Variants in TXNRD1 observed in about 807,000 individuals in gnomAD.
The protein encoded by TXNRD1 is thioredoxin reductase 1, cytoplasmic.
In TXNRD1, 57 loss-of-function variants were observed where a neutral mutation model predicts 80.3. That is an observed-to-expected ratio of 0.71 (90% CI 0.57 to 0.89). The LOEUF (loss-of-function observed/expected upper bound fraction) is 0.89, where lower values mean the gene tolerates loss of function less well. TXNRD1 is among the 40% of genes least tolerant of loss of function. The pLI is 0.00. For missense variants in TXNRD1, 730 were observed against 803.0 expected (o/e 0.91, Z 1.10); for synonymous variants, 291 against 285.2 (o/e 1.02, Z -0.20).
intron 15 of TXNRD1, among the ~76,000 whole-genome samples, chr12:104,337,209 T>C (rs1483293282): frequency 6.6e-6 from 1 of 151,784 alleles, no homozygotes; most frequent in Non-Finnish European, 1.5e-5. Context: ...ATGGATACGC[T>C]TTATTCATAC....
chr12:104,237,948 T>C (rs1356575231), intron 1 of TXNRD1, among the ~76,000 whole-genome samples: 1 of 151,910 alleles, frequency 6.6e-6, no homozygotes, highest in African/African-American at 2.4e-5. Flanking sequence ...GAGGCTGAGG[T>C]TGCAGTGAGC....
At chr12:104,298,704 A>G (rs2034513291) in intron 4 of TXNRD1, among the ~76,000 whole-genome samples, 1 of 152,158 alleles carries the variant, frequency 6.6e-6, no homozygotes, top group Admixed American at 6.6e-5. Flanking sequence ...AGCTTGGGCA[A>G]CCAAGCGAGA....
chr12:104,287,799 C>T (rs576547781), intron 3 of TXNRD1, among the ~76,000 whole-genome samples: 1 of 152,172 alleles, frequency 6.6e-6, no homozygotes, highest in African/African-American at 2.4e-5. Context: ...TTTTGAGTAG[C>T]TCCTTGAGCT....
chr12:104,256,429 G>A (rs1202561691), intron 2 of TXNRD1, among the ~76,000 whole-genome samples: 1 of 152,100 alleles, frequency 6.6e-6, no homozygotes, highest in African/African-American at 2.4e-5. Flanking sequence ...TCAGAGTGGT[G>A]GGGGGAACTG....
chr12:104,276,277 G>A (rs896370584), intron 3 of TXNRD1, among the ~76,000 whole-genome samples: 3 of 152,220 alleles, frequency 2.0e-5, no homozygotes, highest in African/African-American at 7.2e-5. Flanking sequence ...AGCAGAGGTA[G>A]AACAATCCTT....
rs2036240561 is a variant in TXNRD1 at position 104,339,137 on chromosome 12, A to G, written c.1747-2A>G. On this transcript the variant is annotated splice_acceptor_variant, in intron 15 of 16. Coordinates refer to ENST00000525566, the MANE Select transcript of TXNRD1 (RefSeq NM_001093771.3). LOFTEE classifies it high-confidence loss of function. ...GCATTATTGTATTTTTTTTTGCCTT[A>G]GGAACGTGTTGTGGGCTTTCACGTA... is the stretch of plus-strand genomic sequence containing the variant. 2.0e-5 allele frequency: 32 copies of G among 1,610,492 alleles called. No individual in the cohort carries two copies. The highest frequency in any genetic ancestry group is 2.6e-5 in the Non-Finnish European group (31 of 1,178,864).
At chr12:104,286,033 C>G (rs1443470257) in intron 3 of TXNRD1, 1 of 152,180 alleles carries the variant, frequency 6.6e-6, no homozygotes, top group Non-Finnish European at 1.5e-5. Context: ...TGAGTTTCAC[C>G]TTGGAAGGGC....
chr12:104,290,449 T>G (rs1030158356), intron 4 of TXNRD1, among the ~76,000 whole-genome samples: 4 of 151,926 alleles, frequency 2.6e-5, no homozygotes, highest in Middle Eastern at 3.4e-3. Flanking sequence ...CCCAGCACCT[T>G]GGGAGGCCGA....
At chr12:104,233,255 G>A (rs1456128778) in intron 1 of TXNRD1, among the ~76,000 whole-genome samples, 1 of 152,158 alleles carries the variant, frequency 6.6e-6, no homozygotes, top group Non-Finnish European at 1.5e-5. Flanking sequence ...ACGGAAGTTA[G>A]TTTTTAAAAG....
intron 16 of TXNRD1, among the ~76,000 whole-genome samples, chr12:104,343,670 G>A (rs9738614): frequency 0.91 from 137,640 of 151,876 alleles, 62,627 homozygotes; most frequent in African/African-American, 0.98. Flanking sequence ...GCATTGTGGC[G>A]TATGCCTGTA....
At chr12:104,329,625 G>T (rs902469979) in intron 13 of TXNRD1, among the ~76,000 whole-genome samples, 5 of 151,744 alleles carry the variant, frequency 3.3e-5, no homozygotes, top group Non-Finnish European at 7.4e-5. Context: ...TCCAGCCTGG[G>T]CATCAGAGTA....
chr12:104,322,130 C>G (rs1182045470), intron 10 of TXNRD1, among the ~76,000 whole-genome samples: 1 of 151,566 alleles, frequency 6.6e-6, no homozygotes, highest in African/African-American at 2.4e-5. Flanking sequence ...CTGCCAGTTT[C>G]TTGCTCTATG....
chr12:104,258,353 G>A (rs1228058381), intron 3 of TXNRD1: 2 of 288,620 alleles, frequency 6.9e-6, no homozygotes, highest in Non-Finnish European at 1.3e-5. Flanking sequence ...TACAGATACA[G>A]TATTTGCTGG....
rs2036577596 is a variant in TXNRD1 at position 104,349,070 on chromosome 12, G to C, written c.*649G>C. On this transcript the variant is annotated 3_prime_UTR_variant, in exon 17 of 17. Coordinates refer to ENST00000525566, the MANE Select transcript of TXNRD1 (RefSeq NM_001093771.3). ...ATCAACTCTAGCCAAATTTGCCCCT[G>C]TGTGCTACATGATGGATGATTATTA... The C allele has an allele frequency of 6.6e-6, 1 of 152,300 alleles. No homozygotes were observed. Among genetic ancestry groups the C allele is most frequent in the African/African-American group, 2.4e-5 (1 of 41,434 alleles). 9.4% of individuals were successfully genotyped at this position (152,300 alleles called of 1,614,324 possible).
chr12:104,246,091 GCC>G (rs2032982950), intron 1 of TXNRD1, among the ~76,000 whole-genome samples: 1 of 118,314 alleles, frequency 8.5e-6, no homozygotes, highest in Admixed American at 9.4e-5. Context: ...CCAGCCTGGA[GCC>G]TGGGCGATAC....
intron 3 of TXNRD1, chr12:104,286,952 A>C (rs1350714499): frequency 8.2e-7 from 1 of 1,216,030 alleles, no homozygotes; most frequent in Non-Finnish European, 1.0e-6. Context: ...TGACTCTGGC[A>C]GTTAGCCCGC....
intron 4 of TXNRD1, chr12:104,304,987 G>T: frequency 6.6e-7 from 1 of 1,506,410 alleles, no homozygotes. Context: ...AAGTTAGATG[G>T]AGAGTAAAAT....
intron 2 of TXNRD1, among the ~76,000 whole-genome samples, chr12:104,253,174 T>C (rs1009709865): frequency 6.6e-6 from 1 of 152,148 alleles, no homozygotes; most frequent in Admixed American, 6.6e-5. Flanking sequence ...TCGTTCTGCA[T>C]GTGTGTGTGT....
At chr12:104,344,626 A>G (rs753885918) in intron 16 of TXNRD1, among the ~76,000 whole-genome samples, 61 of 152,184 alleles carry the variant, frequency 4.0e-4, no homozygotes, top group Non-Finnish European at 5.9e-4. Context: ...ATTTGAAAGT[A>G]TGCATTATTG....
Sources: gnomAD v4.1 joint callset for allele counts (sites outside exome capture counted in the v4.1 genomes callset) on GRCh38, gnomAD v4.1.1 for gene constraint, MANE v1.5 for transcripts, NCBI Gene and HGNC (gene_info 2026-07-23, HGNC 2026-07-21) for gene names.